The following DNMT3B variants were observed in gnomAD, a reference collection of about 807,000 sequenced individuals.
DNMT3B encodes the protein DNA methyltransferase 3 beta, also known as DNA (cytosine-5)-methyltransferase 3B.
Under a neutral mutation model 120.2 loss-of-function variants are expected in DNMT3B, and 37 were observed. The observed-to-expected ratio is 0.31, with a 90% CI of 0.24 to 0.40. The LOEUF is 0.40. Among genes scored for constraint, DNMT3B ranks in the 10% least tolerant of loss-of-function variants. The probability of loss-of-function intolerance (pLI) is 1.00; values close to 1 mark genes in which losing one functional copy is unlikely to be tolerated. For missense variants in DNMT3B, 878 were observed against 1,137.3 expected (o/e 0.77, Z 3.28); for synonymous variants, 412 against 442.8 (o/e 0.93, Z 0.87).
intron 1 of DNMT3B, among the ~76,000 whole-genome samples, chr20:32,764,450 T>A (rs549260469): frequency 6.6e-6 from 1 of 152,132 alleles, no homozygotes; most frequent in Non-Finnish European, 1.5e-5. Context: ...AGGGTGGCCA[T>A]TCCTGAGATT....
At chr20:32,793,921 C>G (rs1262414590) in intron 10 of DNMT3B, among the ~76,000 whole-genome samples, 1 of 152,034 alleles carries the variant, frequency 6.6e-6, no homozygotes, top group Non-Finnish European at 1.5e-5. Flanking sequence ...TTCCTAGGGT[C>G]AGAGTCAAAT....
chr20:32,774,216 TC>T (rs1419629112), intron 1 of DNMT3B, among the ~76,000 whole-genome samples: 1 of 151,784 alleles, frequency 6.6e-6, no homozygotes, highest in African/African-American at 2.4e-5. Context: ...GTCTTTTTTT[TC>T]TTTTTTTTTT....
chr20:32,772,566 C>A (rs1191166944), intron 1 of DNMT3B, among the ~76,000 whole-genome samples: 1 of 152,142 alleles, frequency 6.6e-6, no homozygotes, highest in Admixed American at 6.6e-5. Context: ...TCCAATGCTG[C>A]CCCTCATTCT....
At chr20:32,802,820 T>C (rs1263263309) in intron 20 of DNMT3B, among the ~76,000 whole-genome samples, 1 of 152,164 alleles carries the variant, frequency 6.6e-6, no homozygotes, top group African/African-American at 2.4e-5. Flanking sequence ...GGCAACAAAG[T>C]GAGACCCCGT....
chr20:32,765,408 C>A (rs1987255708), intron 1 of DNMT3B, among the ~76,000 whole-genome samples: 1 of 145,014 alleles, frequency 6.9e-6, no homozygotes, highest in Non-Finnish European at 1.5e-5. Flanking sequence ...TGAGCATTTT[C>A]TTTCTCTTTT....
At chr20:32,765,165 A>G (rs1413537508) in intron 1 of DNMT3B, among the ~76,000 whole-genome samples, 2 of 152,128 alleles carry the variant, frequency 1.3e-5, no homozygotes, top group Non-Finnish European at 1.5e-5. Flanking sequence ...ACATACTACT[A>G]ATTGAGTGGA....
At chr20:32,803,432 C>T (rs1478196867) in intron 20 of DNMT3B, among the ~76,000 whole-genome samples, 1 of 152,152 alleles carries the variant, frequency 6.6e-6, no homozygotes, top group Non-Finnish European at 1.5e-5. Flanking sequence ...GTCACCTTGC[C>T]CGTGTACTTG....
chr20:32,805,906 A>G (rs566054561), intron 21 of DNMT3B, among the ~76,000 whole-genome samples: 47 of 152,200 alleles, frequency 3.1e-4, no homozygotes, highest in Non-Finnish European at 6.3e-4. Context: ...GATCTCGTTC[A>G]TGGTCACTTT....
intron 1 of DNMT3B, among the ~76,000 whole-genome samples, chr20:32,768,403 G>A (rs1387109320): frequency 6.6e-6 from 1 of 152,126 alleles, no homozygotes; most frequent in Non-Finnish European, 1.5e-5. Context: ...TGTTGGTCAG[G>A]CTGGTCTCGA....
Position 32,805,377 on chromosome 20 carries a change from G to T in DNMT3B, c.2271G>T (p.Gln757His). The T allele has an allele frequency of 6.2e-7, 1 of 1,614,138 alleles. No individual in the cohort carries two copies. Residue 757 changes from glutamine to histidine, a missense_variant, in exon 21 of 23, where the codon CAG becomes CAT. By Grantham distance (24) the Gln-to-His change is conservative. Transcript: ENST00000328111. ...CAAAGAATGATAAACTCGAGCTGCA[G>T]GACTGCTTGGAATACAATAGGATAG... ...IASKNDKLEL[Q>H]DCLEYNRIAK... is the part of the protein sequence containing the mutation.
chr20:32,790,757 A>G (rs1029557800), intron 7 of DNMT3B, among the ~76,000 whole-genome samples: 2 of 152,216 alleles, frequency 1.3e-5, no homozygotes, highest in Non-Finnish European at 1.5e-5. Context: ...TGCAGCCTCA[A>G]TCACCTGGGC....
intron 15 of DNMT3B, among the ~76,000 whole-genome samples, chr20:32,799,002 A>G (rs757262746): frequency 2.6e-5 from 4 of 152,216 alleles, no homozygotes; most frequent in East Asian, 1.9e-4. Context: ...ATACCTTTTC[A>G]TGTGTGCCTC....
chr20:32,798,472 G>A lies in DNMT3B; in HGVS notation c.1503G>A (p.Val501=). 1.9e-6 allele frequency: 3 copies of A among 1,614,210 alleles called. No individual in the cohort carries two copies. The highest frequency in any genetic ancestry group is 2.5e-6 in the Non-Finnish European group (3 of 1,180,038). Reference sequence around the variant, plus strand: ...CCACTGGGTCCAGGTGTTTCTGTGTGGAGTGCCTGGAGGTGCTGGTGGGCA... The same window carrying A: ...CCACTGGGTCCAGGTGTTTCTGTGTAGAGTGCCTGGAGGTGCTGGTGGGCA... The part of the protein sequence containing the change: ...SNTSCCRCFC[V]ECLEVLVGTG... Residue 501 remains valine (V), a synonymous_variant, in exon 15 of 23, where the codon GTG becomes GTA. Coordinates refer to ENST00000328111, the MANE Select transcript of DNMT3B (RefSeq NM_006892.4).
At chr20:32,795,264 C>T in intron 10 of DNMT3B, 145 bp from the exon 11 acceptor site, 1 of 1,270,550 alleles carries the variant, frequency 7.9e-7, no homozygotes, top group Non-Finnish European at 1.1e-6. Flanking sequence ...AGTTGCCCAT[C>T]AAGGGGCCAT....
At chr20:32,796,920 C>T (rs764302891) in intron 13 of DNMT3B, 51 bp downstream of exon 13, 8 of 1,614,066 alleles carry the variant, frequency 5.0e-6, no homozygotes, top group Admixed American at 1.7e-5. Flanking sequence ...CCTCCTCTAA[C>T]TCCCCTCTCC....
Position 32,809,352 on chromosome 20 carries a change from G to A in DNMT3B, c.*1449G>A. The A allele has an allele frequency of 5.1e-6, 1 of 197,976 alleles. No individual in the cohort carries two copies. The highest frequency in any genetic ancestry group is 1.0e-5 in the Non-Finnish European group (1 of 95,610). 12.3% of individuals were successfully genotyped at this position (197,976 alleles called of 1,614,324 possible). A position where few individuals can be genotyped will look rare whatever the true frequency, so the allele number is the denominator to read the frequency against. The stretch of plus-strand genomic sequence containing the variant: ...TTATGTTTAATTAAAATCAGTATTT[G>A]TCTATAACTGTCTGATGTCCCTTTT... On this transcript the variant is annotated 3_prime_UTR_variant, in exon 23 of 23. Transcript: ENST00000328111.
intron 1 of DNMT3B, among the ~76,000 whole-genome samples, chr20:32,777,649 A>G (rs1362830928): frequency 6.6e-6 from 1 of 152,142 alleles, no homozygotes; most frequent in Admixed American, 6.5e-5. Flanking sequence ...CTCCCACTCT[A>G]TGCCAGGCCC....
intron 1 of DNMT3B, among the ~76,000 whole-genome samples, chr20:32,769,833 G>A (rs1035905796): frequency 1.1e-4 from 17 of 152,010 alleles, no homozygotes; most frequent in African/African-American, 3.9e-4. Flanking sequence ...TGCAACTTCC[G>A]CCTCCTGAAT....
intron 10 of DNMT3B, 67 bp downstream of exon 10, chr20:32,793,662 T>A: frequency 6.4e-7 from 1 of 1,563,972 alleles, no homozygotes; most frequent in Non-Finnish European, 8.8e-7. Context: ...TCTTTGCATA[T>A]AAAATGGTCA....
Sources: allele counts gnomAD v4.1 joint callset (sites outside exome capture counted in the v4.1 genomes callset), GRCh38; gene constraint gnomAD v4.1.1; transcripts MANE v1.5; gene names NCBI Gene and HGNC (gene_info 2026-07-23, HGNC 2026-07-21).